Variants in BACH1 observed in about 807,000 individuals in gnomAD.
The protein encoded by BACH1 is BTB domain and CNC homolog 1.
A neutral mutation model predicts 52.9 loss-of-function variants in BACH1; 35 were observed. That is an observed-to-expected ratio of 0.66 (90% CI 0.51 to 0.88). The LOEUF is 0.88. Ranked by LOEUF, BACH1 falls within the 40% of genes least tolerant of loss-of-function variation. The pLI, the probability that BACH1 is intolerant of heterozygous loss-of-function variation, is 0.00. For missense variants in BACH1, 808 were observed against 872.6 expected (o/e 0.93, Z 0.93); for synonymous variants, 321 against 319.6 (o/e 1.00, Z -0.05).
chr21:29,338,301 T>G (rs1037522479), intron 4 of BACH1, among the ~76,000 whole-genome samples: 3 of 152,228 alleles, frequency 2.0e-5, no homozygotes, highest in African/African-American at 7.2e-5. Flanking sequence ...GTGTGAAGCT[T>G]TAAAGTTATT....
intron 1 of BACH1, among the ~76,000 whole-genome samples, chr21:29,310,602 T>A (rs1950113847): frequency 6.6e-6 from 1 of 152,210 alleles, no homozygotes; most frequent in Admixed American, 6.5e-5. Flanking sequence ...CCATTGTGGG[T>A]CCAGATGTGT....
At chr21:29,309,961 AGACTT>A (rs1363859581) in intron 1 of BACH1, among the ~76,000 whole-genome samples, 5 of 152,198 alleles carry the variant, frequency 3.3e-5, no homozygotes, top group Non-Finnish European at 5.9e-5. Context: ...TCACATGGCT[AGACTT>A]GACTTGATGG....
Position 29,326,212 on chromosome 21 carries a change from T to G in BACH1, c.388T>G (p.Phe130Val). The change falls in exon 3 of 5, where the codon TTT (phenylalanine) becomes GTT (valine). Residue 130 changes from phenylalanine to valine, a missense_variant. Phe to Val is a conservative substitution (Grantham distance 50). Transcript: ENST00000286800. ...ESCFQFLKFK[F>V]LDSTADQQEC... ...CTGCTTTCAGTTTCTGAAATTTAAG[T>G]TTTTGGACTCCACTGCAGACCAGCA... 6.2e-7 allele frequency: 1 copy of G among 1,614,196 alleles called. No individual in the cohort carries two copies. The highest frequency in any genetic ancestry group is 8.5e-7 in the Non-Finnish European group (1 of 1,180,020).
At chr21:29,316,052 C>G (rs1317543409) in intron 1 of BACH1, among the ~76,000 whole-genome samples, 1 of 152,030 alleles carries the variant, frequency 6.6e-6, no homozygotes, top group Admixed American at 6.5e-5. Context: ...AACATATAAT[C>G]TATTGAAACT....
At chr21:29,304,721 G>C (rs1372315294) in intron 1 of BACH1, among the ~76,000 whole-genome samples, 2 of 152,052 alleles carry the variant, frequency 1.3e-5, no homozygotes, top group African/African-American at 4.8e-5. Context: ...CCCTAGGGAG[G>C]TGTTTTTGTC....
chr21:29,313,418 G>T (rs1472455196), intron 1 of BACH1, among the ~76,000 whole-genome samples: 1 of 152,216 alleles, frequency 6.6e-6, no homozygotes, highest in Non-Finnish European at 1.5e-5. Context: ...CCTATAATAT[G>T]ACCCAGCTCT....
chr21:29,353,079 C>A (rs1197768752), intron 2 of BACH1, among the ~76,000 whole-genome samples: 1 of 152,098 alleles, frequency 6.6e-6, no homozygotes, highest in Non-Finnish European at 1.5e-5. Context: ...GAACTCCTGA[C>A]CTCATGATCT....
chr21:29,300,466 G>A lies in BACH1; in HGVS notation c.-61+1513G>A, dbSNP rs373968276. 6.6e-5 allele frequency among the ~76,000 whole-genome samples: 10 copies of A among 152,170 alleles called. No homozygotes were observed. In the East Asian group the frequency reaches 9.6e-4, roughly 15 times the overall value. On this transcript the variant is annotated intron_variant, in intron 1 of 4. Transcript: ENST00000286800. ...ACCCAGCTGGGGTTGTTTTGATACA[G>A]GTTATCAGTGGGTGAAGTGGAAGAG... is the stretch of plus-strand genomic sequence containing the variant.
intron 2 of BACH1, among the ~76,000 whole-genome samples, chr21:29,352,847 G>A (rs1458049291): frequency 1.3e-5 from 2 of 152,218 alleles, no homozygotes; most frequent in South Asian, 2.1e-4. Flanking sequence ...AAGTAGCTGG[G>A]ACTACAGGTG....
In BACH1 at chr21:29,359,552, C is replaced by G. The variant is rs534074529; in HGVS notation, c.472+29859C>G. 6 of 151,146 alleles carry G rather than the reference C, an allele frequency of 4.0e-5. No homozygotes were observed. The South Asian group carries it at 1.3e-3, about 32-fold the overall frequency. 9.4% of individuals were successfully genotyped at this position (151,146 alleles called of 1,614,324 possible). On this transcript the variant is annotated intron_variant, in intron 2 of 4. Transcript: ENST00000422809. Reference sequence around the variant, plus strand: ...ACCACGATTATAAAACTATCAAACACGATTTTAAGCAAAGAAAGAAATGGG... The same window carrying G: ...ACCACGATTATAAAACTATCAAACAGGATTTTAAGCAAAGAAAGAAATGGG...
intron 1 of BACH1, among the ~76,000 whole-genome samples, chr21:29,315,798 CATT>C (rs1239947347): frequency 6.6e-6 from 1 of 152,080 alleles, no homozygotes; most frequent in Non-Finnish European, 1.5e-5. Context: ...TTATAATGAT[CATT>C]ATTATCTTTT....
chr21:29,310,349 C>A (rs2088706641), intron 1 of BACH1, among the ~76,000 whole-genome samples: 1 of 152,130 alleles, frequency 6.6e-6, no homozygotes, highest in Non-Finnish European at 1.5e-5. Flanking sequence ...AATGCAGAAA[C>A]AAAAATTACC....
At chr21:29,340,395 A>G (rs1175306006) in intron 4 of BACH1, among the ~76,000 whole-genome samples, 2 of 152,186 alleles carry the variant, frequency 1.3e-5, no homozygotes, top group East Asian at 3.8e-4. Flanking sequence ...GAAGCAAGCC[A>G]TCTTGTATAC....
At chr21:29,310,285 T>C (rs1482545462) in intron 1 of BACH1, among the ~76,000 whole-genome samples, 2 of 152,218 alleles carry the variant, frequency 1.3e-5, no homozygotes, top group Non-Finnish European at 2.9e-5. Context: ...TATAGTTATT[T>C]ATTCCAACAT....
rs2089160603 is a variant in BACH1, at chr21:29,345,557, A to G, written c.*2724A>G. 6.6e-6 allele frequency: 1 copy of G among 152,426 alleles called. No individual in the cohort carries two copies. Among genetic ancestry groups the G allele is most frequent in the Non-Finnish European group, 1.5e-5 (1 of 68,008 alleles). The allele number at this position is 152,426 out of a possible 1,614,324, so 9.4% of individuals were successfully genotyped here. A position where few individuals can be genotyped will look rare whatever the true frequency, so the allele number is the denominator to read the frequency against. ...AGCAAATAATTCGTTAAATTGTCATATTCAAAACAAATGTGGATACAGTCT... is the reference window on the plus strand; with the variant it reads ...AGCAAATAATTCGTTAAATTGTCATGTTCAAAACAAATGTGGATACAGTCT... On this transcript the variant is annotated 3_prime_UTR_variant, in exon 5 of 5. Coordinates refer to ENST00000286800, the MANE Select transcript of BACH1 (RefSeq NM_001186.4).
intron 1 of BACH1, among the ~76,000 whole-genome samples, chr21:29,314,948 T>A (rs2088769336): frequency 6.6e-6 from 1 of 152,222 alleles, no homozygotes; most frequent in Non-Finnish European, 1.5e-5. Context: ...TTCCAGGCTC[T>A]CCTGGCAGGT....
rs188150011 is a variant in BACH1, at chr21:29,307,553, T to C, written c.-61+8600T>C. Reference sequence around the variant, plus strand: ...GTCCAAAAATATTAAATACAATAGATATTTTGAGAAAGAGACAAACATCAC... The same window carrying C: ...GTCCAAAAATATTAAATACAATAGACATTTTGAGAAAGAGACAAACATCAC... On this transcript the variant is annotated intron_variant, in intron 1 of 4. Transcript: ENST00000286800. 1.0e-3 allele frequency among the ~76,000 whole-genome samples: 153 copies of C among 152,300 alleles called. 6 individuals carry two copies. The South Asian group carries it at 0.03, about 30-fold the overall frequency.
rs1050484080 is a variant in BACH1 at position 29,343,791 on chromosome 21, A to G, written c.*958A>G. On this transcript the variant is annotated 3_prime_UTR_variant, in exon 5 of 5. Transcript: ENST00000286800. ...GAAAGAATGTTGCTTACTTTTTACCAGGAGTGCAGTTCATTTTTTTCACCC... is the reference window on the plus strand; with the variant it reads ...GAAAGAATGTTGCTTACTTTTTACCGGGAGTGCAGTTCATTTTTTTCACCC... 2.0e-5 allele frequency: 3 copies of G among 152,224 alleles called. No individual in the cohort carries two copies. Among genetic ancestry groups the G allele is most frequent in the African/African-American group, 7.2e-5 (3 of 41,462 alleles). The allele number at this position is 152,224 out of a possible 1,614,324, so 9.4% of individuals were successfully genotyped here.
chr21:29,325,497 T>G (rs1478046381), intron 2 of BACH1, among the ~76,000 whole-genome samples: 1 of 152,268 alleles, frequency 6.6e-6, no homozygotes, highest in Non-Finnish European at 1.5e-5. Flanking sequence ...TTTAAAAATC[T>G]GAATCTTTAA....
Sources: gnomAD v4.1 joint callset for allele counts (sites outside exome capture counted in the v4.1 genomes callset) on GRCh38, gnomAD v4.1.1 for gene constraint, MANE v1.5 for transcripts, NCBI Gene and HGNC (gene_info 2026-07-23, HGNC 2026-07-21) for gene names.